LRBA: variants seen among roughly 807,000 people sequenced by gnomAD.
The protein encoded by LRBA is lipopolysaccharide-responsive and beige-like anchor protein.
LRBA carries 176 observed loss-of-function variants against 330.0 expected under a neutral mutation model. The ratio of observed to expected loss-of-function variants is 0.53; its 90% CI spans 0.47 to 0.60. LRBA has a LOEUF of 0.60. Among genes scored for constraint, LRBA ranks in the 20% least tolerant of loss-of-function variants. The pLI is 0.00. For synonymous variants in LRBA, 1,230 were observed against 1,193.0 expected (o/e 1.03, Z -0.64); for missense variants, 3,259 against 3,444.8 (o/e 0.95, Z 1.35).
chr4:150,875,473 A>G (rs1221959169), intron 17 of LRBA, among the ~76,000 whole-genome samples: 1 of 152,222 alleles, frequency 6.6e-6, no homozygotes, highest in Non-Finnish European at 1.5e-5. Flanking sequence ...GCCTGAGGCA[A>G]CAGAGAACTT....
rs754309081 is a variant in LRBA at position 150,928,930 on chromosome 4, G to A, written c.352C>T (p.Leu118=). The A allele has an allele frequency of 2.5e-6, 4 of 1,613,896 alleles. No individual in the cohort carries two copies. Among genetic ancestry groups the A allele is most frequent in the Non-Finnish European group, 3.4e-6 (4 of 1,180,010 alleles). The change falls in exon 3 of 57, where the codon CTG becomes TTG. Residue 118 remains leucine (L), a synonymous_variant. Transcript: ENST00000651943. Reference sequence around the variant, plus strand: ...TGAAGATTCCGTATGCTTTTCTTCAGAATGGCTGTAAACATGCTCCAGACT... The same window carrying A: ...TGAAGATTCCGTATGCTTTTCTTCAAAATGGCTGTAAACATGCTCCAGACT... ...AEVWSMFTAI[L]KKSIRNLQVC...
chr4:150,851,898 C>A lies in LRBA; in HGVS notation c.3812G>T (p.Arg1271Leu). 1 of 1,607,954 alleles carries A rather than the reference C, an allele frequency of 6.2e-7. No homozygotes were observed. The highest frequency in any genetic ancestry group is 1.1e-5 in the South Asian group (1 of 90,136). Residue 1271 changes from arginine to leucine, a missense_variant, in exon 23 of 57, where the codon CGA (arginine) becomes CTA (leucine). Arg to Leu is a moderately radical substitution (Grantham distance 102). Coordinates refer to ENST00000651943, the MANE Select transcript of LRBA (RefSeq NM_001364905.1). ...SPNVEAPQPH[R>L]HVLEISRQHE... ...ATATAAAATCACCTCAAGCACATGT[C>A]GATGAGGTTGAGGTGCTTCCACGTT...
intron 41 of LRBA, among the ~76,000 whole-genome samples, chr4:150,490,648 C>G (rs1267904059): frequency 1.3e-5 from 2 of 151,700 alleles, no homozygotes; most frequent in Non-Finnish European, 3.0e-5. Context: ...CCTCTTCAAG[C>G]TGATTAAATG....
intron 17 of LRBA, among the ~76,000 whole-genome samples, chr4:150,889,007 A>G (rs1369818948): frequency 6.6e-6 from 1 of 152,232 alleles, no homozygotes; most frequent in Non-Finnish European, 1.5e-5. Context: ...TCAACTCAGA[A>G]GAGTAGACCA....
chr4:150,577,343 T>A (rs1770671511), intron 40 of LRBA, among the ~76,000 whole-genome samples: 1 of 151,970 alleles, frequency 6.6e-6, no homozygotes, highest in South Asian at 2.1e-4. Context: ...AAATAATTTT[T>A]AAATTCAGAG....
At chr4:150,723,289 G>A (rs1282199881) in intron 36 of LRBA, among the ~76,000 whole-genome samples, 1 of 152,178 alleles carries the variant, frequency 6.6e-6, no homozygotes, top group Admixed American at 6.5e-5. Context: ...AGCAATGAAA[G>A]TTACTCCTTG....
intron 40 of LRBA, among the ~76,000 whole-genome samples, chr4:150,546,723 T>TAA (rs1217293673): frequency 6.6e-6 from 1 of 152,180 alleles, no homozygotes; most frequent in Non-Finnish European, 1.5e-5. Context: ...AATAACACAG[T>TAA]AAAATTGTTT....
intron 37 of LRBA, among the ~76,000 whole-genome samples, chr4:150,618,163 T>C (rs981841918): frequency 2.6e-5 from 4 of 152,188 alleles, no homozygotes; most frequent in Non-Finnish European, 5.9e-5. Context: ...CTTGCCTTTA[T>C]AATCACACAG....
intron 47 of LRBA, among the ~76,000 whole-genome samples, chr4:150,400,759 G>T (rs1745352104): frequency 6.6e-6 from 1 of 152,062 alleles, no homozygotes; most frequent in South Asian, 2.1e-4. Context: ...AAGCTCACTT[G>T]ACTCCAGGAG....
chr4:150,761,720 C>T (rs1735114625), intron 35 of LRBA, 63 bp downstream of exon 35: 2 of 997,580 alleles, frequency 2.0e-6, no homozygotes, highest in East Asian at 5.4e-5. Flanking sequence ...AATATCAATG[C>T]CTATAGGAAA....
At chr4:150,412,590 G>A (rs1265595172) in intron 47 of LRBA, among the ~76,000 whole-genome samples, 2 of 152,034 alleles carry the variant, frequency 1.3e-5, no homozygotes, top group African/African-American at 4.8e-5. Context: ...AAATGTTGGT[G>A]AAAAACTTAA....
intron 44 of LRBA, among the ~76,000 whole-genome samples, chr4:150,459,329 C>T (rs1754473168): frequency 6.6e-6 from 1 of 151,842 alleles, no homozygotes; most frequent in Non-Finnish European, 1.5e-5. Context: ...CAATCTCTTG[C>T]TTTTTGACAA....
intron 26 of LRBA, among the ~76,000 whole-genome samples, chr4:150,848,562 G>GAAAAAAAA (rs9331496): frequency 7.5e-5 from 9 of 120,022 alleles, no homozygotes; most frequent in Admixed American, 8.7e-5. Context: ...GGAGAAAAAA[G>GAAAAAAAA]AAAAAAAAAA....
intron 36 of LRBA, among the ~76,000 whole-genome samples, chr4:150,714,675 G>A (rs1176391964): frequency 6.6e-6 from 1 of 152,036 alleles, no homozygotes; most frequent in African/African-American, 2.4e-5. Context: ...GATATGTGAG[G>A]TAATGCATAT....
chr4:150,694,867 A>AT (rs1042711238), intron 36 of LRBA, among the ~76,000 whole-genome samples: 1 of 151,942 alleles, frequency 6.6e-6, no homozygotes, highest in Non-Finnish European at 1.5e-5. Context: ...AGGTTATTCT[A>AT]TTTTTTTGCT....
chr4:150,324,892 T>C (rs1055807648), intron 49 of LRBA, among the ~76,000 whole-genome samples: 61 of 152,334 alleles, frequency 4.0e-4, no homozygotes, highest in African/African-American at 1.4e-3. Context: ...CGCACTTCAA[T>C]TTGTTACTCT....
chr4:150,328,882 T>C (rs946970694), intron 48 of LRBA, among the ~76,000 whole-genome samples: 9 of 152,192 alleles, frequency 5.9e-5, no homozygotes, highest in African/African-American at 1.9e-4. Context: ...ATCTTTATTA[T>C]AGATACAAAT....
At chr4:150,761,963 T>C in intron 34 of LRBA, 116 bp from the exon 35 acceptor site, 1 of 645,454 alleles carries the variant, frequency 1.5e-6, no homozygotes, top group Admixed American at 2.8e-5. Context: ...CTCTTAAAAG[T>C]TATGTTAAAC....
rs554615110 is a variant in LRBA at position 150,707,439 on chromosome 4, TA to T, written c.5755-23723del. ...AAACTAATAAAAGATTCATGAGAAA[TA>T]AAAAACCAATCAGAAAAACATCAAG... is the stretch of plus-strand genomic sequence containing the variant. On this transcript the variant is annotated intron_variant, in intron 36 of 56. Transcript: ENST00000651943. Among the ~76,000 whole-genome samples the T allele has an allele frequency of 1.5e-3, 231 of 150,672 alleles. 1 individual carries two copies. The highest frequency in any genetic ancestry group is 5.3e-3 in the African/African-American group (217 of 41,192).
Sources: gnomAD v4.1 joint callset for allele counts (sites outside exome capture counted in the v4.1 genomes callset) on GRCh38, gnomAD v4.1.1 for gene constraint, MANE v1.5 for transcripts, NCBI Gene and HGNC (gene_info 2026-07-23, HGNC 2026-07-21) for gene names.